The following FAM204A variants were observed in gnomAD, a reference collection of about 807,000 sequenced individuals.
The protein encoded by FAM204A is family with sequence similarity 204 member A.
A neutral mutation model predicts 35.4 loss-of-function variants in FAM204A; 16 were observed. The observed-to-expected ratio is 0.45, with a 90% confidence interval of 0.31 to 0.69. The LOEUF (loss-of-function observed/expected upper bound fraction) is 0.69. FAM204A is among the 30% of genes least tolerant of loss of function. The pLI is 0.07. For synonymous variants in FAM204A, 76 were observed against 86.9 expected (o/e 0.88, Z 0.70); for missense variants, 240 against 265.7 (o/e 0.90, Z 0.67).
chr10:118,328,397 T>C (rs554340287), intron 6 of FAM204A, among the ~76,000 whole-genome samples: 1 of 152,128 alleles, frequency 6.6e-6, no homozygotes, highest in East Asian at 1.9e-4. Flanking sequence ...CAACATTACC[T>C]GGAAACTTGC....
Position 118,299,226 on chromosome 10 carries a change from G to A in FAM204A, c.*11631C>T, listed in dbSNP as rs1008799950. The A allele has an allele frequency of 1.3e-5, 2 of 151,728 alleles. No homozygotes were observed. Among genetic ancestry groups the A allele is most frequent in the Non-Finnish European group, 2.9e-5 (2 of 67,944 alleles). The allele number at this position is 151,728 out of a possible 1,614,324, so 9.4% of individuals were successfully genotyped here. On this transcript the variant is annotated 3_prime_UTR_variant, in exon 9 of 9. Coordinates refer to ENST00000369183, the MANE Select transcript of FAM204A (RefSeq NM_022063.3). ...GCTGAACTTTTCAGGTTCTTCCTTT[G>A]GGCAGTACTGCTTAAGTGTTTTCAT...
At chr10:118,318,839 C>G (rs571143832) in intron 7 of FAM204A, among the ~76,000 whole-genome samples, 13 of 151,780 alleles carry the variant, frequency 8.6e-5, no homozygotes, top group African/African-American at 3.1e-4. Context: ...GAGAACATCT[C>G]TAGTTCAAAA....
In FAM204A at chr10:118,311,323, A is replaced by G. The variant is rs1845948617; in HGVS notation, c.544-10T>C. ...CAATTTTTACACCAAGCTAAGAATT[A>G]CAAAGGAGAAAAAAAAAGTGAAAAT... is the stretch of plus-strand genomic sequence containing the variant. On this transcript the variant is annotated splice_polypyrimidine_tract_variant and intron_variant, in intron 7 of 8. Transcript: ENST00000369183. The G allele has an allele frequency of 5.5e-6, 8 of 1,460,210 alleles. No individual in the cohort carries two copies. The highest frequency in any genetic ancestry group is 7.2e-6 in the Non-Finnish European group (8 of 1,109,078). 90.5% of individuals were successfully genotyped at this position (1,460,210 alleles called of 1,614,324 possible). A position where few individuals can be genotyped will look rare whatever the true frequency, so the allele number is the denominator to read the frequency against.
intron 7 of FAM204A, among the ~76,000 whole-genome samples, chr10:118,313,760 C>T (rs1453664597): frequency 6.6e-6 from 1 of 152,164 alleles, no homozygotes; most frequent in Non-Finnish European, 1.5e-5. Context: ...TGAGACTATA[C>T]TGTAAGAAAC....
At chr10:118,339,762 C>T (rs2084268701) in intron 2 of FAM204A, among the ~76,000 whole-genome samples, 1 of 150,336 alleles carries the variant, frequency 6.7e-6, no homozygotes, top group South Asian at 2.1e-4. Context: ...ACACACCCTC[C>T]ACCTCTAGAG....
At chr10:118,332,857 C>G (rs978911332) in intron 6 of FAM204A, among the ~76,000 whole-genome samples, 2 of 152,142 alleles carry the variant, frequency 1.3e-5, no homozygotes, top group African/African-American at 4.8e-5. Flanking sequence ...GCTGACTAAT[C>G]AAACTGATTC....
rs1426812068 is a variant in FAM204A at position 118,306,551 on chromosome 10, T to G, written c.*4306A>C. On this transcript the variant is annotated 3_prime_UTR_variant, in exon 9 of 9. Coordinates refer to ENST00000369183, the MANE Select transcript of FAM204A (RefSeq NM_022063.3). Reference sequence around the variant, plus strand: ...TAAAAACATAGCATTCTGCATGGCATTTAATAAACTATCTCCCAGAAGCCT... The same window carrying G: ...TAAAAACATAGCATTCTGCATGGCAGTTAATAAACTATCTCCCAGAAGCCT... 3 of 152,242 alleles carry G rather than the reference T, an allele frequency of 2.0e-5. No homozygotes were observed. The highest frequency in any genetic ancestry group is 7.2e-5 in the African/African-American group (3 of 41,468). The allele number at this position is 152,242 out of a possible 1,614,324, so 9.4% of individuals were successfully genotyped here.
At position 118,307,291 on chromosome 10, in the gene FAM204A, G is replaced by C. The variant is rs1468470889; in HGVS notation, c.*3566C>G. On this transcript the variant is annotated 3_prime_UTR_variant, in exon 9 of 9. Coordinates refer to ENST00000369183, the MANE Select transcript of FAM204A (RefSeq NM_022063.3). ...AAAAAGATTTTCATGTACATATTTTGTCCAAATATTACTATTTGTTTCATG... is the reference window on the plus strand; with the variant it reads ...AAAAAGATTTTCATGTACATATTTTCTCCAAATATTACTATTTGTTTCATG... The C allele has an allele frequency of 6.6e-6, 1 of 152,120 alleles. No individual in the cohort carries two copies. Among genetic ancestry groups the C allele is most frequent in the Non-Finnish European group, 1.5e-5 (1 of 68,024 alleles). The allele number at this position is 152,120 out of a possible 1,614,324, so 9.4% of individuals were successfully genotyped here.
intron 6 of FAM204A, among the ~76,000 whole-genome samples, chr10:118,332,255 G>C (rs1229118016): frequency 6.6e-6 from 1 of 150,940 alleles, no homozygotes; most frequent in Non-Finnish European, 1.5e-5. Context: ...AAATGACTTG[G>C]GTTTAAAGTC....
Position 118,336,241 on chromosome 10 carries a change from C to T in FAM204A, c.175G>A (p.Glu59Lys). 1 of 1,613,898 alleles carries T rather than the reference C, an allele frequency of 6.2e-7. No homozygotes were observed. Among genetic ancestry groups the T allele is most frequent in the Non-Finnish European group, 8.5e-7 (1 of 1,179,798 alleles). Residue 59 changes from glutamate (E) to lysine (K), a missense_variant, in exon 3 of 9, where the codon GAG becomes AAG. Glu to Lys is a moderately conservative substitution (Grantham distance 56). Coordinates refer to ENST00000369183, the MANE Select transcript of FAM204A (RefSeq NM_022063.3). ...TCTTCATAGGCATTTACATTTGACTCTGTTTCAGTTTTTGGTTCATCTGTT... is the reference window on the plus strand; with the variant it reads ...TCTTCATAGGCATTTACATTTGACTTTGTTTCAGTTTTTGGTTCATCTGTT... ...FSTDEPKTET[E>K]SNVNAYEECP...
At chr10:118,310,956 AT>A (rs1564753249) in intron 8 of FAM204A, 48 bp from the exon 9 acceptor site, 1 of 1,498,128 alleles carries the variant, frequency 6.7e-7, no homozygotes, top group East Asian at 2.3e-5. Flanking sequence ...AAAAAAAAAA[AT>A]ACTTTGCTGA....
At chr10:118,313,153 T>TAA (rs111988854) in intron 7 of FAM204A, among the ~76,000 whole-genome samples, 10 of 144,804 alleles carry the variant, frequency 6.9e-5, no homozygotes, top group East Asian at 4.0e-4. Context: ...GTCATACATG[T>TAA]AAAAAAAAAA....
intron 7 of FAM204A, among the ~76,000 whole-genome samples, chr10:118,320,159 T>C (rs1249085869): frequency 6.6e-6 from 1 of 151,106 alleles, no homozygotes; most frequent in African/African-American, 2.4e-5. Flanking sequence ...AGGTTCAATC[T>C]AAGTAATCGG....
intron 2 of FAM204A, among the ~76,000 whole-genome samples, chr10:118,341,466 A>C (rs774813552): frequency 1.2e-4 from 18 of 152,234 alleles, no homozygotes; most frequent in Non-Finnish European, 1.9e-4. Flanking sequence ...TATCCTATTT[A>C]CTTTTATGAA....
chr10:118,298,502 T>C lies in FAM204A; in HGVS notation c.*12355A>G, dbSNP rs1310548134. The C allele has an allele frequency of 6.6e-6, 1 of 152,234 alleles. No homozygotes were observed. Among genetic ancestry groups the C allele is most frequent in the Non-Finnish European group, 1.5e-5 (1 of 68,036 alleles). 9.4% of individuals were successfully genotyped at this position (152,234 alleles called of 1,614,324 possible). A position where few individuals can be genotyped will look rare whatever the true frequency, so the allele number is the denominator to read the frequency against. ...AAACAGGTGTTATTTCCATGTACTT[T>C]TGCTCAGGTTCTTTGGATACCATGA... On this transcript the variant is annotated 3_prime_UTR_variant, in exon 9 of 9. Transcript: ENST00000369183.
At chr10:118,333,268 A>C (rs1254892756) in intron 6 of FAM204A, among the ~76,000 whole-genome samples, 1 of 152,238 alleles carries the variant, frequency 6.6e-6, no homozygotes, top group African/African-American at 2.4e-5. Flanking sequence ...CAAAATAAAA[A>C]GGTTCTCTCA....
At position 118,302,218 on chromosome 10, in the gene FAM204A, C is replaced by G. The variant is rs1021696138; in HGVS notation, c.*8639G>C. On this transcript the variant is annotated 3_prime_UTR_variant, in exon 9 of 9. Coordinates refer to ENST00000369183, the MANE Select transcript of FAM204A (RefSeq NM_022063.3). Reference sequence around the variant, plus strand: ...GCTGTAGTGCCAGACACATCACAAGCCTTCAATGCATTTATTGAAATAATG... The same window carrying G: ...GCTGTAGTGCCAGACACATCACAAGGCTTCAATGCATTTATTGAAATAATG... 3 of 152,198 alleles carry G rather than the reference C, an allele frequency of 2.0e-5. No individual in the cohort carries two copies. The highest frequency in any genetic ancestry group is 1.9e-4 in the East Asian group (1 of 5,184). 9.4% of individuals were successfully genotyped at this position (152,198 alleles called of 1,614,324 possible). A position where few individuals can be genotyped will look rare whatever the true frequency, so the allele number is the denominator to read the frequency against.
intron 6 of FAM204A, among the ~76,000 whole-genome samples, chr10:118,329,817 C>T (rs1251622535): frequency 6.6e-6 from 1 of 152,138 alleles, no homozygotes; most frequent in African/African-American, 2.4e-5. Context: ...CTGCCGTCAT[C>T]CATGTTTGCA....
At position 118,311,312 on chromosome 10, in the gene FAM204A, A is replaced by C; in HGVS notation, c.545T>G (p.Leu182Arg). The C allele has an allele frequency of 6.3e-7, 1 of 1,581,856 alleles. No homozygotes were observed. Among genetic ancestry groups the C allele is most frequent in the Non-Finnish European group, 8.5e-7 (1 of 1,171,140 alleles). The change falls in exon 8 of 9, where the codon CTT becomes CGT. Residue 182 changes from leucine to arginine, a missense_variant and splice_region_variant. By Grantham distance (102) the Leu-to-Arg change is moderately radical. Around this residue, in one of 2 missense-constraint regions of FAM204A, gnomAD observed 232 missense variants for 242.8 expected, o/e 0.96. Coordinates refer to ENST00000369183, the MANE Select transcript of FAM204A (RefSeq NM_022063.3). ...ELSNQLATRE[L>R]GVKIAKAVAC... ...AACTGCTTTGGCAATTTTTACACCA[A>C]GCTAAGAATTACAAAGGAGAAAAAA...
Sources: allele counts gnomAD v4.1 joint callset (sites outside exome capture counted in the v4.1 genomes callset), GRCh38; gene constraint gnomAD v4.1.1; regional missense constraint gnomAD v4.1.1; transcripts MANE v1.5; gene names NCBI Gene and HGNC (gene_info 2026-07-23, HGNC 2026-07-21).